Variants in GPC5 observed in about 807,000 individuals in gnomAD.
GPC5 encodes the protein glypican 5, also known as glypican-5.
GPC5 carries 47 observed loss-of-function variants against 53.9 expected under a neutral mutation model. The ratio of observed to expected loss-of-function variants is 0.87; its 90% CI spans 0.69 to 1.11. The LOEUF is 1.11. Ranked by LOEUF, GPC5 falls within the 50% of genes most tolerant of loss-of-function variation. The pLI, the probability that GPC5 is intolerant of heterozygous loss-of-function variation, is 0.00. For missense variants in GPC5, 748 were observed against 713.1 expected, an observed-to-expected ratio of 1.05 and a Z score of -0.56; for synonymous variants, 286 against 263.3, an observed-to-expected ratio of 1.09 and a Z score of -0.84.
rs901654297 is a variant in GPC5 at position 92,358,217 on chromosome 13, T to C, written c.1561+213228T>C. 2.6e-5 allele frequency among the ~76,000 whole-genome samples: 4 copies of C among 151,730 alleles called. 1 individual carries two copies. Among genetic ancestry groups the C allele is most frequent in the African/African-American group, 9.8e-5 (4 of 41,002 alleles). On this transcript the variant is annotated intron_variant, in intron 7 of 7. Transcript: ENST00000377067. ...AAACCCAGCATGGCAGTCAACTAAA[T>C]CTTAAAGCTCCCAAATAATCTTTAT... is the stretch of plus-strand genomic sequence containing the variant.
At chr13:92,841,422 C>T (rs886707938) in intron 7 of GPC5, among the ~76,000 whole-genome samples, 2 of 152,028 alleles carry the variant, frequency 1.3e-5, no homozygotes, top group African/African-American at 2.4e-5. Context: ...GTGAATACTA[C>T]TTCATTAGTA....
chr13:92,769,966 C>T (rs183562187), intron 7 of GPC5, among the ~76,000 whole-genome samples: 3 of 152,338 alleles, frequency 2.0e-5, no homozygotes, highest in Admixed American at 2.0e-4. Context: ...AGACCTTGTA[C>T]ATATAACCTC....
intron 2 of GPC5, among the ~76,000 whole-genome samples, chr13:91,498,232 C>A (rs1236737241): frequency 7.5e-6 from 1 of 133,538 alleles, no homozygotes; most frequent in East Asian, 2.4e-4. Flanking sequence ...GAAATCTCTA[C>A]CCAAAGATTT....
intron 5 of GPC5, among the ~76,000 whole-genome samples, chr13:91,839,419 A>C (rs2038759225): frequency 6.6e-6 from 1 of 152,104 alleles, no homozygotes; most frequent in Non-Finnish European, 1.5e-5. Context: ...TTATTTTGCA[A>C]CCGCTTTGGA....
At chr13:91,498,283 A>T (rs1884408142) in intron 2 of GPC5, among the ~76,000 whole-genome samples, 1 of 129,218 alleles carries the variant, frequency 7.7e-6, no homozygotes, top group Non-Finnish European at 1.6e-5. Context: ...TATTTATCAC[A>T]TTCTTAAATA....
chr13:91,532,109 A>T (rs1005562758), intron 2 of GPC5, among the ~76,000 whole-genome samples: 1 of 152,254 alleles, frequency 6.6e-6, no homozygotes, highest in Admixed American at 6.5e-5. Context: ...AAAAATGAAA[A>T]AAAGGCAGAT....
intron 7 of GPC5, among the ~76,000 whole-genome samples, chr13:92,758,788 C>T (rs1875023850): frequency 6.6e-6 from 1 of 151,848 alleles, no homozygotes; most frequent in South Asian, 2.1e-4. Flanking sequence ...TGTGTGATAT[C>T]CAAGAAATCA....
chr13:92,567,393 G>T (rs1882893229), intron 7 of GPC5, among the ~76,000 whole-genome samples: 1 of 152,032 alleles, frequency 6.6e-6, no homozygotes, highest in South Asian at 2.1e-4. Context: ...TGGCTGTGGT[G>T]AACAGAATAA....
At chr13:92,747,606 C>T (rs912136513) in intron 7 of GPC5, among the ~76,000 whole-genome samples, 1 of 152,094 alleles carries the variant, frequency 6.6e-6, no homozygotes, top group Non-Finnish European at 1.5e-5. Flanking sequence ...TGACAAATTG[C>T]CTCCACATTA....
chr13:91,519,002 T>C (rs73606490), intron 2 of GPC5, among the ~76,000 whole-genome samples: 1,859 of 152,326 alleles, frequency 0.012, 39 homozygotes, highest in African/African-American at 0.041. Context: ...CATTTTACTA[T>C]CCTGGAGATC....
At chr13:91,680,212 A>C (rs1301077953) in intron 2 of GPC5, among the ~76,000 whole-genome samples, 2 of 152,200 alleles carry the variant, frequency 1.3e-5, no homozygotes, top group African/African-American at 4.8e-5. Context: ...GCACTTTGGG[A>C]GGCCGAGGGG....
At chr13:91,562,703 G>C (rs917780138) in intron 2 of GPC5, among the ~76,000 whole-genome samples, 1 of 150,088 alleles carries the variant, frequency 6.7e-6, no homozygotes, top group African/African-American at 2.5e-5. Flanking sequence ...ACAGGCATGA[G>C]CCACCACGCC....
At chr13:91,962,083 A>G (rs2040131478) in intron 6 of GPC5, among the ~76,000 whole-genome samples, 1 of 152,172 alleles carries the variant, frequency 6.6e-6, no homozygotes, top group Non-Finnish European at 1.5e-5. Flanking sequence ...AATTCATTTG[A>G]CAGTTAAATT....
At chr13:92,347,566 T>A (rs9584023) in intron 7 of GPC5, among the ~76,000 whole-genome samples, 2 of 151,156 alleles carry the variant, frequency 1.3e-5, no homozygotes, top group South Asian at 4.2e-4. Flanking sequence ...AACAAAAAGC[T>A]ACAAATTAAT....
chr13:91,884,139 A>AC (rs1386598767), intron 5 of GPC5, among the ~76,000 whole-genome samples: 2 of 152,152 alleles, frequency 1.3e-5, no homozygotes, highest in Non-Finnish European at 2.9e-5. Flanking sequence ...ACACTTCTAC[A>AC]CTGTTGGTGG....
intron 6 of GPC5, among the ~76,000 whole-genome samples, chr13:92,010,174 CCTT>C (rs1346286058): frequency 6.6e-6 from 1 of 152,156 alleles, no homozygotes; most frequent in African/African-American, 2.4e-5. Context: ...CATTCCCTAT[CCTT>C]CTTTCCTGTT....
At position 92,187,446 on chromosome 13, in the gene GPC5, C is replaced by T. The variant is rs542779049; in HGVS notation, c.1561+42457C>T. Reference sequence around the variant, plus strand: ...GGTCTCAATGGACTCAATTTCAACACGTCATGCCATATGATAGGGTGAATG... The same window carrying T: ...GGTCTCAATGGACTCAATTTCAACATGTCATGCCATATGATAGGGTGAATG... On this transcript the variant is annotated intron_variant, in intron 7 of 7. Transcript: ENST00000377067. Among the ~76,000 whole-genome samples the T allele has an allele frequency of 8.5e-5, 13 of 152,312 alleles. No homozygotes were observed. In the South Asian group the frequency reaches 2.7e-3, roughly 32 times the overall value.
At chr13:92,219,541 C>G (rs1377847376) in intron 7 of GPC5, among the ~76,000 whole-genome samples, 1 of 152,142 alleles carries the variant, frequency 6.6e-6, no homozygotes, top group Non-Finnish European at 1.5e-5. Context: ...GAAGCTACTC[C>G]CTTTTCAACC....
intron 7 of GPC5, chr13:92,449,199 A>C (rs574044490): frequency 2.0e-5 from 3 of 152,178 alleles, no homozygotes; most frequent in African/African-American, 7.2e-5. Flanking sequence ...ATTGAACAAA[A>C]GAAACGATGA....
Sources: allele counts gnomAD v4.1 joint callset (sites outside exome capture counted in the v4.1 genomes callset), GRCh38; gene constraint gnomAD v4.1.1; transcripts MANE v1.5; gene names NCBI Gene and HGNC (gene_info 2026-07-23, HGNC 2026-07-21).